The following ANKMY1 variants were observed in gnomAD, a reference collection of about 807,000 sequenced individuals.
ANKMY1 encodes the protein ankyrin repeat and MYND domain containing 1.
Under a neutral mutation model 102.0 loss-of-function variants are expected in ANKMY1, and 98 were observed. The ratio of observed to expected loss-of-function variants is 0.96; its 90% CI spans 0.82 to 1.14. The LOEUF is 1.14. Among genes scored for constraint, ANKMY1 ranks in the 50% most tolerant of loss-of-function variants. The pLI, the probability that ANKMY1 is intolerant of heterozygous loss-of-function variation, is 0.00. For missense variants in ANKMY1, 1,330 were observed against 1,347.6 expected (o/e 0.99, Z 0.20); for synonymous variants, 582 against 559.9 (o/e 1.04, Z -0.56).
intron 13 of ANKMY1, among the ~76,000 whole-genome samples, chr2:240,502,408 T>C (rs913477120): frequency 6.6e-6 from 1 of 151,932 alleles, no homozygotes; most frequent in Non-Finnish European, 1.5e-5. Flanking sequence ...CCAAACATCA[T>C]TCCTGGGAAC....
rs545109931 is a variant in ANKMY1 at position 240,551,691 on chromosome 2, A to G, written c.480+1223T>C. ...TTCCTAAGTGACCACATGGTCACCC[A>G]TGGTATGGAGCTGCCCACAACGCCC... On this transcript the variant is annotated intron_variant, in intron 4 of 17. Transcript: ENST00000401804. 7.2e-5 allele frequency among the ~76,000 whole-genome samples: 11 copies of G among 152,350 alleles called. No homozygotes were observed. The South Asian group carries it at 1.4e-3, about 20-fold the overall frequency.
chr2:240,549,958 C>T (rs1046518661), intron 4 of ANKMY1, among the ~76,000 whole-genome samples: 5 of 151,740 alleles, frequency 3.3e-5, no homozygotes, highest in Non-Finnish European at 4.4e-5. Flanking sequence ...GTCAGTGTGG[C>T]GATTCCTCAG....
At chr2:240,474,109 T>A in the ANKMY1 span, among the ~76,000 whole-genome samples, 2 of 144,258 alleles carry the variant, frequency 1.4e-5, no homozygotes, top group Non-Finnish European at 3.0e-5. Context: ...TTTTTTTTTT[T>A]ATTTGAGACA....
chr2:240,549,488 G>A (rs945279294), intron 4 of ANKMY1, among the ~76,000 whole-genome samples: 1 of 152,122 alleles, frequency 6.6e-6, no homozygotes, highest in African/African-American at 2.4e-5. Context: ...CAAAAGCAAT[G>A]GCAACAAAAG....
At chr2:240,528,929 C>A (rs2084558110) in intron 5 of ANKMY1, 108 bp downstream of exon 5, 1 of 1,015,318 alleles carries the variant, frequency 9.8e-7, no homozygotes, top group South Asian at 1.5e-5. Context: ...GTTTAGGTCA[C>A]CCTGAGGGAG....
upstream of ANKMY1, chr2:240,561,037 T>G (rs1397529243): frequency 1.3e-6 from 2 of 1,527,422 alleles, no homozygotes. Flanking sequence ...ACCGCGTACC[T>G]CATGCGGCAC....
intron 4 of ANKMY1, 143 bp downstream of exon 4, chr2:240,552,771 G>T: frequency 1.6e-6 from 2 of 1,285,398 alleles, no homozygotes; most frequent in Non-Finnish European, 1.1e-6. Flanking sequence ...CCTTATTATT[G>T]GTACCATTTT....
upstream of ANKMY1, chr2:240,560,937 A>G: frequency 6.5e-7 from 1 of 1,537,638 alleles, no homozygotes; most frequent in Non-Finnish European, 8.7e-7. Context: ...CCTGGAGCCC[A>G]CGTGCGCCGC....
chr2:240,477,629 C>T (rs886853150), downstream of ANKMY1, among the ~76,000 whole-genome samples: 2 of 152,104 alleles, frequency 1.3e-5, no homozygotes, highest in Non-Finnish European at 2.9e-5. Context: ...TCAAGCAATC[C>T]GCCTGCCTCG....
intron 4 of ANKMY1, among the ~76,000 whole-genome samples, chr2:240,543,979 T>G (rs1221695743): frequency 1.3e-5 from 2 of 152,156 alleles, no homozygotes; most frequent in Admixed American, 1.3e-4. Context: ...TTGTAGTTAA[T>G]TATAATTCTG....
intron 4 of ANKMY1, among the ~76,000 whole-genome samples, chr2:240,544,495 G>A (rs867081886): frequency 6.6e-6 from 1 of 152,228 alleles, no homozygotes; most frequent in Non-Finnish European, 1.5e-5. Context: ...TACTCTTGGG[G>A]GGGGAGGAGC....
chr2:240,524,175 G>GTC lies in ANKMY1; in HGVS notation c.1540_1541dup (p.Asp514GlufsTer8), dbSNP rs1443252203. 5.6e-6 allele frequency: 9 copies of GTC among 1,613,814 alleles called. No homozygotes were observed. Among genetic ancestry groups the GTC allele is most frequent in the Non-Finnish European group, 7.6e-6 (9 of 1,180,038 alleles). ...CCCCCTTCAGAGAGCTGCTCCTGTG[G>GTC]TCTATGGACCCCCCACACTGCCCGG... is the stretch of plus-strand genomic sequence containing the variant. On this transcript the variant is annotated frameshift_variant, in exon 8 of 18. Transcript: ENST00000401804. LOFTEE classifies it high-confidence loss of function.
intron 13 of ANKMY1, among the ~76,000 whole-genome samples, chr2:240,503,257 A>G (rs1482247799): frequency 6.6e-6 from 1 of 152,156 alleles, no homozygotes; most frequent in African/African-American, 2.4e-5. Context: ...AAATTAGGGA[A>G]ATTTGGGGCC....
chr2:240,520,594 C>A lies in ANKMY1; in HGVS notation c.1833-61G>T. On this transcript the variant is annotated intron_variant, in intron 8 of 17. Transcript: ENST00000401804. The surrounding 1 kb of genome is among the most constrained non-coding windows in gnomAD (Gnocchi z 4.8). ...GCAGGCACCTGCACTGCGCCCAGAA[C>A]GGGGCCATGCCAGCGAGGAGGCTGG... is the stretch of plus-strand genomic sequence containing the variant. 6.5e-7 allele frequency: 1 copy of A among 1,535,682 alleles called. No homozygotes were observed. The highest frequency in any genetic ancestry group is 8.8e-7 in the Non-Finnish European group (1 of 1,141,486).
At position 240,557,940 on chromosome 2, in the gene ANKMY1, C is replaced by T. The variant is rs973991423; in HGVS notation, c.-77G>A. The T allele has an allele frequency of 6.4e-5, 63 of 985,536 alleles. No homozygotes were observed. Among genetic ancestry groups the T allele is most frequent in the Non-Finnish European group, 7.6e-5 (63 of 830,094 alleles). 61.0% of individuals were successfully genotyped at this position (985,536 alleles called of 1,614,324 possible). ...GGGAGACCGACGGGACTGCAGCCAC[C>T]GCGGACGCCCGCGCTCCCGTCCCGA... On this transcript the variant is annotated 5_prime_UTR_variant, in exon 1 of 18. Coordinates refer to ENST00000401804, the MANE Select transcript of ANKMY1 (RefSeq NM_001282771.3).
intron 1 of ANKMY1, among the ~76,000 whole-genome samples, chr2:240,557,590 C>A (rs2092516113): frequency 1.3e-5 from 2 of 152,226 alleles, no homozygotes; most frequent in Non-Finnish European, 2.9e-5. Context: ...CCTGTCCCTT[C>A]GTGGGCGGGA....
At chr2:240,531,216 TAAAATA>T (rs1468319464) in intron 4 of ANKMY1, among the ~76,000 whole-genome samples, 1 of 152,208 alleles carries the variant, frequency 6.6e-6, no homozygotes, top group Non-Finnish European at 1.5e-5. Flanking sequence ...TGAGAATGGC[TAAAATA>T]AAAAGACTGG....
At chr2:240,532,945 C>T (rs1310480294) in intron 4 of ANKMY1, among the ~76,000 whole-genome samples, 6 of 152,316 alleles carry the variant, frequency 3.9e-5, no homozygotes, top group East Asian at 3.9e-4. Context: ...TGGCCTCAAG[C>T]GATCCTCCTG....
At position 240,529,547 on chromosome 2, in the gene ANKMY1, C is replaced by A; in HGVS notation, c.481-38G>T. On this transcript the variant is annotated intron_variant, in intron 4 of 17. Coordinates refer to ENST00000401804, the MANE Select transcript of ANKMY1 (RefSeq NM_001282771.3). This position sits in a 1 kb window ranked among gnomAD's most constrained non-coding sequence, Gnocchi z 4.2. Reference sequence around the variant, plus strand: ...CGCAATAGACCGAGGAGAGATAACGCGACCCAGCTGCACATGTGATCATGT... The same window carrying A: ...CGCAATAGACCGAGGAGAGATAACGAGACCCAGCTGCACATGTGATCATGT... 6.5e-7 allele frequency: 1 copy of A among 1,534,300 alleles called. No individual in the cohort carries two copies. The highest frequency in any genetic ancestry group is 1.9e-5 in the Admixed American group (1 of 51,636).
Sources: gnomAD v4.1 joint callset for allele counts (sites outside exome capture counted in the v4.1 genomes callset) on GRCh38, gnomAD v4.1.1 for gene constraint, Gnocchi (gnomAD v3.1) non-coding constraint, MANE v1.5 for transcripts, NCBI Gene and HGNC (gene_info 2026-07-23, HGNC 2026-07-21) for gene names.